The following PCDH7 variants were observed in gnomAD, a reference collection of about 807,000 sequenced individuals.
PCDH7 encodes protocadherin 7, also known as protocadherin-7.
Under a neutral mutation model 58.9 loss-of-function variants are expected in PCDH7, and 17 were observed. The observed-to-expected ratio is 0.29, with a 90% CI of 0.20 to 0.43. PCDH7 has a LOEUF of 0.43. PCDH7 is among the 20% of genes least tolerant of loss of function. The pLI, the probability that PCDH7 is intolerant of heterozygous loss-of-function variation, is 1.00. For missense variants in PCDH7, 1,274 were observed against 1,441.0 expected, an observed-to-expected ratio of 0.88 and a Z score of 1.88; for synonymous variants, 664 against 616.4, an observed-to-expected ratio of 1.08 and a Z score of -1.14.
At chr4:30,970,514 C>T (rs1749488511) in intron 3 of PCDH7, among the ~76,000 whole-genome samples, 1 of 152,026 alleles carries the variant, frequency 6.6e-6, no homozygotes, top group African/African-American at 2.4e-5. Context: ...AGGGTGGTCT[C>T]GATCTCCTGA....
chr4:31,064,936 A>G (rs1241520447), intron 3 of PCDH7, among the ~76,000 whole-genome samples: 2 of 152,046 alleles, frequency 1.3e-5, no homozygotes, highest in Non-Finnish European at 2.9e-5. Flanking sequence ...CATCTAACAT[A>G]TTGTAAATAA....
chr4:30,907,689 T>A (rs1436909114), intron 1 of PCDH7, among the ~76,000 whole-genome samples: 1 of 152,186 alleles, frequency 6.6e-6, no homozygotes, highest in African/African-American at 2.4e-5. Context: ...GAAGACAGTG[T>A]GGCGATTCCT....
At position 30,778,621 on chromosome 4, in the gene PCDH7, A is replaced by AT. The variant is rs1319677335; in HGVS notation, c.70+54030dup. Among the ~76,000 whole-genome samples, 3 of 152,012 alleles carry AT rather than the reference A, an allele frequency of 2.0e-5. No individual in the cohort carries two copies. In the South Asian group the frequency reaches 6.2e-4, roughly 32 times the overall value. ...AAGAATTTTTTTTTGTATTTAACAC[A>AT]TTTTTGCTGGGATTTTTGCATTGCT... On this transcript the variant is annotated intron_variant, in intron 1 of 3. Transcript: ENST00000509759.
At position 30,882,327 on chromosome 4, in the gene PCDH7, G is replaced by A. The variant is rs555053557; in HGVS notation, c.71-37826G>A. ...GCTTAGGTTGGAGTGCAATGGGGCG[G>A]TCATAGGTCACTGCTGCCTCAAACT... On this transcript the variant is annotated intron_variant, in intron 1 of 3. Transcript: ENST00000509759. Among the ~76,000 whole-genome samples the A allele has an allele frequency of 3.3e-5, 5 of 151,922 alleles. No homozygotes were observed. The East Asian group carries it at 9.7e-4, about 30-fold the overall frequency.
intron 3 of PCDH7, among the ~76,000 whole-genome samples, chr4:30,987,111 T>C (rs899650332): frequency 2.0e-5 from 3 of 152,216 alleles, no homozygotes; most frequent in Non-Finnish European, 4.4e-5. Flanking sequence ...CTTTTTCTAG[T>C]CCATTCCTTT....
chr4:31,097,670 T>C (rs913527756), intron 3 of PCDH7, among the ~76,000 whole-genome samples: 2 of 137,916 alleles, frequency 1.5e-5, no homozygotes, highest in Non-Finnish European at 3.1e-5. Context: ...GTAATTTCCT[T>C]TGTGAGGCTT....
At chr4:30,791,374 A>G (rs1378835300) in intron 1 of PCDH7, among the ~76,000 whole-genome samples, 1 of 152,138 alleles carries the variant, frequency 6.6e-6, no homozygotes, top group Non-Finnish European at 1.5e-5. Flanking sequence ...AATATTTACT[A>G]TTTACCTTAT....
intron 1 of PCDH7, among the ~76,000 whole-genome samples, chr4:30,846,432 C>G (rs1036564670): frequency 6.6e-6 from 1 of 152,002 alleles, no homozygotes; most frequent in African/African-American, 2.4e-5. Context: ...CAAGAAGGCC[C>G]GCACCAGATG....
At chr4:30,817,084 G>A (rs1577918401) in intron 1 of PCDH7, among the ~76,000 whole-genome samples, 1 of 152,062 alleles carries the variant, frequency 6.6e-6, no homozygotes, top group South Asian at 2.1e-4. Flanking sequence ...TCTATTTTGA[G>A]GAATTTAAAT....
At chr4:31,011,013 G>A (rs1753143249) in intron 3 of PCDH7, among the ~76,000 whole-genome samples, 1 of 151,848 alleles carries the variant, frequency 6.6e-6, no homozygotes, top group African/African-American at 2.4e-5. Context: ...CACAATAGCA[G>A]ACTTCTTTCT....
At chr4:30,889,508 A>T (rs1439423858) in intron 1 of PCDH7, among the ~76,000 whole-genome samples, 3 of 152,126 alleles carry the variant, frequency 2.0e-5, no homozygotes, top group African/African-American at 7.2e-5. Flanking sequence ...ATAGTAAAAC[A>T]ATATATATAC....
chr4:31,026,885 C>T (rs1238708228), intron 3 of PCDH7, among the ~76,000 whole-genome samples: 1 of 152,108 alleles, frequency 6.6e-6, no homozygotes, highest in East Asian at 1.9e-4. Context: ...CTGATTGCCT[C>T]AGTTGATCTA....
intron 1 of PCDH7, among the ~76,000 whole-genome samples, chr4:30,903,205 T>A (rs117019290): frequency 2.6e-5 from 4 of 152,112 alleles, no homozygotes; most frequent in African/African-American, 9.7e-5. Flanking sequence ...CTGAAAAGCT[T>A]AAGTTTTTAT....
chr4:31,029,638 C>T (rs1261440578), intron 3 of PCDH7, among the ~76,000 whole-genome samples: 1 of 152,190 alleles, frequency 6.6e-6, no homozygotes, highest in Admixed American at 6.5e-5. Flanking sequence ...TGGGTTTGCA[C>T]ATTAAATCTG....
At chr4:30,894,491 ATAT>A (rs1469983211) in intron 1 of PCDH7, among the ~76,000 whole-genome samples, 1 of 28,122 alleles carries the variant, frequency 3.6e-5, no homozygotes, top group Non-Finnish European at 6.9e-5. Context: ...AAAAAAAAAA[ATAT>A]ATATATATAT....
chr4:30,730,955 T>C (rs954995803), exon 2 of PCDH7: 1 of 1,291,808 alleles, frequency 7.7e-7, no homozygotes, highest in Non-Finnish European at 9.8e-7. Flanking sequence ...TACAGAAAAA[T>C]AGTATGAAAA....
At chr4:30,754,760 T>C (rs1448222950) in intron 1 of PCDH7, among the ~76,000 whole-genome samples, 1 of 14,032 alleles carries the variant, frequency 7.1e-5, no homozygotes, top group East Asian at 5.0e-4. Context: ...GAAACTTATA[T>C]GTACTTTTTT....
intron 3 of PCDH7, among the ~76,000 whole-genome samples, chr4:30,971,493 G>GT (rs1235255213): frequency 6.6e-6 from 1 of 152,140 alleles, no homozygotes; most frequent in African/African-American, 2.4e-5. Flanking sequence ...TTTGATCTGT[G>GT]TTTTTTAAAA....
At chr4:31,067,771 G>C (rs181713455) in intron 3 of PCDH7, among the ~76,000 whole-genome samples, 1 of 152,042 alleles carries the variant, frequency 6.6e-6, no homozygotes, top group Admixed American at 6.6e-5. Context: ...CTTCCTTTTA[G>C]ATCTGTGGGG....
Sources: allele counts gnomAD v4.1 joint callset (sites outside exome capture counted in the v4.1 genomes callset), GRCh38; gene constraint gnomAD v4.1.1; transcripts MANE v1.5; gene names NCBI Gene and HGNC (gene_info 2026-07-23, HGNC 2026-07-21).